The following AOPEP variants were observed in gnomAD, a reference collection of about 807,000 sequenced individuals.
AOPEP encodes the protein aminopeptidase O (putative).
Under a neutral mutation model 98.1 loss-of-function variants are expected in AOPEP, and 77 were observed. The observed-to-expected ratio is 0.78, with a 90% CI of 0.65 to 0.95. The LOEUF (loss-of-function observed/expected upper bound fraction) is 0.95, where lower values mean the gene tolerates loss of function less well. Among genes scored for constraint, AOPEP ranks in the 40% least tolerant of loss-of-function variants. The probability of loss-of-function intolerance (pLI) is 0.00; values close to 1 mark genes in which losing one functional copy is unlikely to be tolerated. For missense variants in AOPEP, 1,024 were observed against 1,024.7 expected (o/e 1.00, Z 0.01); for synonymous variants, 346 against 365.3 (o/e 0.95, Z 0.60).
At chr9:95,140,792 G>C in the AOPEP span, among the ~76,000 whole-genome samples, 2 of 152,260 alleles carry the variant, frequency 1.3e-5, no homozygotes, top group Admixed American at 1.3e-4. Context: ...GTGACAGCCT[G>C]ATCTAAGCAA....
chr9:94,855,208 G>T (rs1463439109), intron 5 of AOPEP, among the ~76,000 whole-genome samples: 1 of 151,968 alleles, frequency 6.6e-6, no homozygotes, highest in Non-Finnish European at 1.5e-5. Context: ...CTCCTGAGTA[G>T]CTGGGACTAC....
chr9:95,091,148 G>A (rs1018362539), downstream of AOPEP, among the ~76,000 whole-genome samples: 4 of 152,244 alleles, frequency 2.6e-5, no homozygotes, highest in Non-Finnish European at 5.9e-5. Flanking sequence ...TCAAGGGACA[G>A]TTTGTTTAGA....
intron 13 of AOPEP, among the ~76,000 whole-genome samples, chr9:95,040,823 C>G (rs933524061): frequency 6.6e-6 from 1 of 152,218 alleles, no homozygotes; most frequent in Non-Finnish European, 1.5e-5. Flanking sequence ...GCTCCAGTGA[C>G]AGCAATGCCA....
intron 13 of AOPEP, among the ~76,000 whole-genome samples, chr9:95,045,119 G>T (rs1348098770): frequency 6.6e-6 from 1 of 152,194 alleles, no homozygotes; most frequent in Non-Finnish European, 1.5e-5. Flanking sequence ...AGGTCACAAG[G>T]TGAGTAGCCA....
intron 5 of AOPEP, among the ~76,000 whole-genome samples, chr9:94,916,036 C>T (rs1039570016): frequency 6.6e-6 from 1 of 152,140 alleles, no homozygotes; most frequent in Admixed American, 6.5e-5. Context: ...CACACCGCCA[C>T]ACGGGACAGA....
chr9:95,129,341 A>G, the AOPEP span, among the ~76,000 whole-genome samples: 9 of 152,170 alleles, frequency 5.9e-5, no homozygotes, highest in African/African-American at 1.9e-4. Context: ...CACAAAAGCA[A>G]TCTTAAGCTG....
intron 13 of AOPEP, among the ~76,000 whole-genome samples, chr9:95,040,836 T>G (rs1336947211): frequency 6.6e-6 from 1 of 152,212 alleles, no homozygotes; most frequent in African/African-American, 2.4e-5. Flanking sequence ...CAATGCCAAA[T>G]GATACCCAAA....
chr9:94,857,059 A>G (rs1271072278), intron 5 of AOPEP, among the ~76,000 whole-genome samples: 2 of 152,234 alleles, frequency 1.3e-5, no homozygotes, highest in East Asian at 3.8e-4. Flanking sequence ...TATTATTGTA[A>G]GTGAAGTACT....
chr9:95,109,445 AT>A, the AOPEP span, among the ~76,000 whole-genome samples: 89 of 147,052 alleles, frequency 6.1e-4, no homozygotes, highest in South Asian at 1.5e-3. Flanking sequence ...CCCTTGCCTG[AT>A]TTTTTTTTTT....
intron 5 of AOPEP, among the ~76,000 whole-genome samples, chr9:94,828,683 G>T (rs918256465): frequency 1.3e-5 from 2 of 151,382 alleles, no homozygotes; most frequent in African/African-American, 4.9e-5. Context: ...AGAATTACCT[G>T]GATTGCCTGT....
intron 7 of AOPEP, among the ~76,000 whole-genome samples, chr9:94,937,185 GCTAC>G (rs1277489377): frequency 6.6e-6 from 1 of 152,210 alleles, no homozygotes; most frequent in Non-Finnish European, 1.5e-5. Flanking sequence ...TCCTCCTGAA[GCTAC>G]CTAGGGGCTG....
chr9:94,988,830 G>A (rs1237327506), intron 11 of AOPEP, among the ~76,000 whole-genome samples: 1 of 152,014 alleles, frequency 6.6e-6, no homozygotes, highest in Non-Finnish European at 1.5e-5. Flanking sequence ...ATCTCCATAG[G>A]TACGGCTGGA....
chr9:94,938,913 T>G (rs1328163065), intron 7 of AOPEP, among the ~76,000 whole-genome samples: 3 of 152,136 alleles, frequency 2.0e-5, no homozygotes, highest in African/African-American at 7.2e-5. Context: ...GGCCTAAAGA[T>G]CTGACTGAAT....
intron 5 of AOPEP, among the ~76,000 whole-genome samples, chr9:94,820,523 T>G (rs560337107): frequency 3.6e-4 from 55 of 152,350 alleles, no homozygotes; most frequent in African/African-American, 1.2e-3. Context: ...CTGCATAGTA[T>G]TCTAGTCTAT....
intron 5 of AOPEP, among the ~76,000 whole-genome samples, chr9:94,811,093 A>G (rs983144034): frequency 6.6e-6 from 1 of 152,186 alleles, no homozygotes; most frequent in Admixed American, 6.5e-5. Flanking sequence ...GCACATACAT[A>G]TGTTTGAACA....
Position 94,919,742 on chromosome 9 carries a change from A to G in AOPEP, c.1365-4244A>G, listed in dbSNP as rs149165972. 3.4e-3 allele frequency among the ~76,000 whole-genome samples: 524 copies of G among 152,160 alleles called. 3 individuals carry two copies. The East Asian group carries it at 0.039, about 11-fold the overall frequency. On this transcript the variant is annotated intron_variant, in intron 5 of 16. Coordinates refer to ENST00000375315, the MANE Select transcript of AOPEP (RefSeq NM_001193329.3). ...TACGAGTCTACGGTTTCACTTGTCCAGTTTAAATTAGCAAGTAATGAAGTC... is the reference window on the plus strand; with the variant it reads ...TACGAGTCTACGGTTTCACTTGTCCGGTTTAAATTAGCAAGTAATGAAGTC...
intron 10 of AOPEP, among the ~76,000 whole-genome samples, chr9:94,974,818 T>C (rs1007528697): frequency 7.2e-5 from 11 of 152,204 alleles, no homozygotes; most frequent in African/African-American, 2.7e-4. Flanking sequence ...AAAGAAAAGC[T>C]GGGGTTTCAT....
At chr9:95,019,081 C>A (rs145149798) in intron 13 of AOPEP, 1 of 151,998 alleles carries the variant, frequency 6.6e-6, no homozygotes, top group African/African-American at 2.4e-5. Context: ...GTTCTTCAGC[C>A]GGCAGCAAGT....
At chr9:95,128,047 A>C in the AOPEP span, among the ~76,000 whole-genome samples, 1 of 152,234 alleles carries the variant, frequency 6.6e-6, no homozygotes, top group African/African-American at 2.4e-5. Flanking sequence ...TCTATGCAAG[A>C]AAATAATTTG....
Sources: gnomAD v4.1 joint callset for allele counts (sites outside exome capture counted in the v4.1 genomes callset) on GRCh38, gnomAD v4.1.1 for gene constraint, MANE v1.5 for transcripts, NCBI Gene and HGNC (gene_info 2026-07-23, HGNC 2026-07-21) for gene names.